Variants in SNAPC2 observed in about 807,000 individuals in gnomAD.
The protein encoded by SNAPC2 is snRNA-activating protein complex subunit 2.
SNAPC2 carries 27 observed loss-of-function variants against 22.9 expected under a neutral mutation model. That is an observed-to-expected ratio of 1.18 (90% CI 0.87 to 1.63). The LOEUF is 1.63. Ranked by LOEUF, SNAPC2 falls within the 40% of genes most tolerant of loss-of-function variation. The pLI is 0.00. For synonymous variants in SNAPC2, 272 were observed against 201.0 expected, an observed-to-expected ratio of 1.35 and a Z score of -2.99; for missense variants, 570 against 449.1, an observed-to-expected ratio of 1.27 and a Z score of -2.43.
chr19:7,921,413 T>G lies in SNAPC2; in HGVS notation c.184-10T>G, dbSNP rs771899124. 6.2e-7 allele frequency: 1 copy of G among 1,613,624 alleles called. No homozygotes were observed. The highest frequency in any genetic ancestry group is 1.3e-5 in the African/African-American group (1 of 74,866). On this transcript the variant is annotated splice_polypyrimidine_tract_variant and intron_variant, in intron 1 of 4. Coordinates refer to ENST00000221573, the MANE Select transcript of SNAPC2 (RefSeq NM_003083.4). ...TAGAAGCCTCATTCCGCCGCCTCTT[T>G]CCTTTCTAGATCCGGGTCTTCCTCC... is the stretch of plus-strand genomic sequence containing the variant.
At chr19:7,921,899 C>T (rs1400879560) in intron 3 of SNAPC2, 126 bp downstream of exon 3, 19 of 1,353,252 alleles carry the variant, frequency 1.4e-5, no homozygotes, top group Non-Finnish European at 1.9e-5. Context: ...CTGGACACCT[C>T]GAGCCTCAGT....
At position 7,920,510 on chromosome 19, in the gene SNAPC2, C is replaced by T; in HGVS notation, c.144C>T (p.Thr48=). Residue 48 remains threonine (T), a synonymous_variant, in exon 1 of 5, where the codon ACC becomes ACT. Transcript: ENST00000221573. ...ARQGQPEPDA[T]ELARELRGRS... is the part of the protein sequence containing the mutation. ...AGGGCCAGCCGGAGCCGGACGCCAC[C>T]GAGCTGGCCCGGGAGCTGCGGGGCC... 1 of 1,474,952 alleles carries T rather than the reference C, an allele frequency of 6.8e-7. No homozygotes were observed. The highest frequency in any genetic ancestry group is 8.9e-7 in the Non-Finnish European group (1 of 1,121,838). The allele number at this position is 1,474,952 out of a possible 1,614,324, so 91.4% of individuals were successfully genotyped here. A position where few individuals can be genotyped will look rare whatever the true frequency, so the allele number is the denominator to read the frequency against.
chr19:7,920,607 A>G (rs1305608208), intron 1 of SNAPC2, 58 bp downstream of exon 1: 36 of 301,970 alleles, frequency 1.2e-4, no homozygotes, highest in Non-Finnish European at 1.7e-4. Context: ...GGTGGGGCGG[A>G]GAGTGGGCGG....
chr19:7,920,971 G>GT (rs1983546184), intron 1 of SNAPC2: 1 of 1,118,736 alleles, frequency 8.9e-7, no homozygotes, highest in Non-Finnish European at 1.1e-6. Flanking sequence ...GGGCGTGGGC[G>GT]GGATGAGGGC....
At chr19:7,921,956 G>A (rs1983589220) in intron 3 of SNAPC2, 79 bp from the exon 4 acceptor site, 2 of 1,483,680 alleles carry the variant, frequency 1.3e-6, no homozygotes, top group Non-Finnish European at 1.8e-6. Context: ...ATCTTAGGGT[G>A]GCAGGGAGGA....
rs946832081 is a variant in SNAPC2, at chr19:7,921,881, G to A, written c.372+108G>A. 11 of 1,385,312 alleles carry A rather than the reference G, an allele frequency of 7.9e-6. No individual in the cohort carries two copies. The South Asian group carries it at 8.6e-5, about 11-fold the overall frequency. The allele number at this position is 1,385,312 out of a possible 1,614,324, so 85.8% of individuals were successfully genotyped here. ...CCCTTTTGCCAGCTCTGTGGACTCC[G>A]TCAGTCACTGGACACCTCGAGCCTC... is the stretch of plus-strand genomic sequence containing the variant. On this transcript the variant is annotated intron_variant, in intron 3 of 4. Transcript: ENST00000221573.
chr19:7,921,151 AG>A, intron 1 of SNAPC2: 5 of 1,375,904 alleles, frequency 3.6e-6, no homozygotes, highest in Non-Finnish European at 4.7e-6. Context: ...GGGACGAAGA[AG>A]GGAGTTGAAC....
In SNAPC2 at chr19:7,922,115, T is replaced by C; in HGVS notation, c.453T>C (p.Pro151=). Residue 151 remains proline (P), a synonymous_variant, in exon 4 of 5, where the codon CCT becomes CCC. Coordinates refer to ENST00000221573, the MANE Select transcript of SNAPC2 (RefSeq NM_003083.4). ...AGCCCACGCAGGCCCGTGGAAAGCC[T>C]TTGCTCCTGAGCGCCCCTGGAGGAC... ...PPKPTQARGK[P]LLLSAPGGQE... 1.2e-6 allele frequency: 2 copies of C among 1,613,890 alleles called. No individual in the cohort carries two copies. Among genetic ancestry groups the C allele is most frequent in the Non-Finnish European group, 8.5e-7 (1 of 1,179,946 alleles).
At chr19:7,921,110 C>G (rs566514591) in intron 1 of SNAPC2, 4 of 1,285,004 alleles carry the variant, frequency 3.1e-6, no homozygotes, top group Non-Finnish European at 4.0e-6. Context: ...GGACAGGATA[C>G]GAGCTTGAAG....
chr19:7,922,709 A>C lies in SNAPC2; in HGVS notation c.950A>C (p.Asn317Thr). 3 of 1,609,892 alleles carry C rather than the reference A, an allele frequency of 1.9e-6. No homozygotes were observed. Among genetic ancestry groups the C allele is most frequent in the Non-Finnish European group, 2.5e-6 (3 of 1,177,388 alleles). The change falls in exon 5 of 5, where the codon AAC (asparagine) becomes ACC (threonine). Residue 317 changes from asparagine (N) to threonine (T), a missense_variant. Transcript: ENST00000221573. ...CAAGCAGCTGGGATCTGTCCCCTGAACCCGTTCCTGGTGCCCCTGGAGCTT... is the reference window on the plus strand; with the variant it reads ...CAAGCAGCTGGGATCTGTCCCCTGACCCCGTTCCTGGTGCCCCTGGAGCTT... ...PWQAAGICPLNPFLVPLELLG... is the reference protein window; with the variant it reads ...PWQAAGICPLTPFLVPLELLG...
At chr19:7,920,869 G>A (rs1379785383) in intron 1 of SNAPC2, 1 of 863,818 alleles carries the variant, frequency 1.2e-6, no homozygotes, top group Non-Finnish European at 1.4e-6. Context: ...GGGTGGGTGA[G>A]TTTGAGGGGC....
intron 1 of SNAPC2, chr19:7,921,098 T>G: frequency 2.4e-6 from 3 of 1,229,358 alleles, no homozygotes; most frequent in Non-Finnish European, 2.0e-6. Flanking sequence ...ACGCATGCTG[T>G]TGGACAGGAT....
intron 1 of SNAPC2, chr19:7,921,110 C>A: frequency 1.6e-6 from 2 of 1,285,004 alleles, no homozygotes; most frequent in Non-Finnish European, 9.9e-7. Context: ...GGACAGGATA[C>A]GAGCTTGAAG....
In SNAPC2 at chr19:7,922,209, G is replaced by C. The variant is rs754007935; in HGVS notation, c.547G>C (p.Asp183His). 2 of 1,614,120 alleles carry C rather than the reference G, an allele frequency of 1.2e-6. No homozygotes were observed. Among genetic ancestry groups the C allele is most frequent in the Non-Finnish European group, 1.7e-6 (2 of 1,180,016 alleles). Reference protein sequence around the residue: ...AAPSSAPRTPDPAPEKPSESS... With the variant: ...AAPSSAPRTPHPAPEKPSESS... ...ACCTAGCTCCGCACCCAGGACTCCTGACCCTGCCCCTGAGAAACCTTCTGA... is the reference window on the plus strand; with the variant it reads ...ACCTAGCTCCGCACCCAGGACTCCTCACCCTGCCCCTGAGAAACCTTCTGA... Residue 183 changes from aspartate to histidine, a missense_variant, in exon 4 of 5, where the codon GAC (aspartate) becomes CAC (histidine). Transcript: ENST00000221573.
intron 1 of SNAPC2, chr19:7,920,935 GC>G (rs1359746921): frequency 1.8e-6 from 2 of 1,097,406 alleles, no homozygotes; most frequent in Non-Finnish European, 2.2e-6. Context: ...TAAGGGCGGG[GC>G]CGTTTTGGGA....
Position 7,920,349 on chromosome 19 carries a change from T to G in SNAPC2, c.-18T>G. The G allele has an allele frequency of 1.3e-6, 2 of 1,556,268 alleles. No individual in the cohort carries two copies. Among genetic ancestry groups the G allele is most frequent in the East Asian group, 2.5e-5 (1 of 39,740 alleles). ...ATCGGAGAAGCGACCTTACAGCGCC[T>G]GCCTCTTTCTGAGCGGCATGAAGCC... On this transcript the variant is annotated 5_prime_UTR_variant, in exon 1 of 5. Transcript: ENST00000221573.
intron 1 of SNAPC2, 161 bp downstream of exon 1, chr19:7,920,710 T>C: frequency 3.8e-5 from 2 of 53,082 alleles, no homozygotes; most frequent in East Asian, 1.4e-3. Context: ...TGGGTGAGCC[T>C]GGGCGGGGTG....
At position 7,920,350 on chromosome 19, in the gene SNAPC2, G is replaced by C. The variant is rs760156694; in HGVS notation, c.-17G>C. 6.4e-7 allele frequency: 1 copy of C among 1,559,940 alleles called. No individual in the cohort carries two copies. Among genetic ancestry groups the C allele is most frequent in the East Asian group, 2.5e-5 (1 of 39,896 alleles). On this transcript the variant is annotated 5_prime_UTR_variant, in exon 1 of 5. Coordinates refer to ENST00000221573, the MANE Select transcript of SNAPC2 (RefSeq NM_003083.4). ...TCGGAGAAGCGACCTTACAGCGCCT[G>C]CCTCTTTCTGAGCGGCATGAAGCCA...
In SNAPC2 at chr19:7,922,220, T is replaced by C. The variant is rs1399142656; in HGVS notation, c.558T>C (p.Pro186=). Reference sequence around the variant, plus strand: ...CACCCAGGACTCCTGACCCTGCCCCTGAGAAACCTTCTGAGTCGTCGGCTG... The same window carrying C: ...CACCCAGGACTCCTGACCCTGCCCCCGAGAAACCTTCTGAGTCGTCGGCTG... ...SSAPRTPDPA[P]EKPSESSAGP... The change falls in exon 4 of 5, where the codon CCT becomes CCC. Residue 186 remains proline, a synonymous_variant. Coordinates refer to ENST00000221573, the MANE Select transcript of SNAPC2 (RefSeq NM_003083.4). 3 of 1,614,056 alleles carry C rather than the reference T, an allele frequency of 1.9e-6. No individual in the cohort carries two copies. Among genetic ancestry groups the C allele is most frequent in the Non-Finnish European group, 1.7e-6 (2 of 1,179,962 alleles).
Sources: gnomAD v4.1 joint callset for allele counts on GRCh38, gnomAD v4.1.1 for gene constraint, MANE v1.5 for transcripts, NCBI Gene and HGNC (gene_info 2026-07-23, HGNC 2026-07-21) for gene names.